Variants in TMEM236 observed in about 807,000 individuals in gnomAD.
TMEM236 encodes the protein transmembrane protein 236.
A neutral mutation model predicts 14.7 loss-of-function variants in TMEM236; 11 were observed. The observed-to-expected ratio is 0.75, with a 90% CI of 0.47 to 1.24. TMEM236 has a LOEUF of 1.24. Among genes scored for constraint, TMEM236 ranks in the 50% most tolerant of loss-of-function variants. The pLI is 0.00. For synonymous variants in TMEM236, 182 were observed against 168.6 expected (o/e 1.08, Z -0.62); for missense variants, 464 against 427.3 (o/e 1.09, Z -0.76).
At chr10:17,757,917 C>T (rs907370209) in intron 1 of TMEM236, among the ~76,000 whole-genome samples, 131 of 152,012 alleles carry the variant, frequency 8.6e-4, no homozygotes, top group African/African-American at 2.9e-3. Flanking sequence ...TACAGGTGTG[C>T]GCCACCACGC....
At chr10:17,780,176 C>G (rs931572123) in intron 3 of TMEM236, among the ~76,000 whole-genome samples, 25 of 152,256 alleles carry the variant, frequency 1.6e-4, no homozygotes, top group African/African-American at 6.0e-4. Flanking sequence ...GAACTCGTGG[C>G]TGAATGTGGC....
At chr10:17,774,236 G>T (rs903879658) in intron 2 of TMEM236, among the ~76,000 whole-genome samples, 3 of 152,060 alleles carry the variant, frequency 2.0e-5, no homozygotes, top group East Asian at 3.9e-4. Context: ...ATAGAGATGG[G>T]GTTTCAACAT....
At chr10:17,753,490 C>T (rs1471158474) in intron 1 of TMEM236, among the ~76,000 whole-genome samples, 3 of 152,102 alleles carry the variant, frequency 2.0e-5, no homozygotes, top group Admixed American at 1.3e-4. Flanking sequence ...TAAATGAGAA[C>T]ATGTGGGATT....
chr10:17,781,772 G>T (rs1589149535), intron 3 of TMEM236, among the ~76,000 whole-genome samples: 1 of 140,328 alleles, frequency 7.1e-6, no homozygotes, highest in African/African-American at 2.6e-5. Flanking sequence ...AAAAAGGAAA[G>T]AAAATTTGCA....
chr10:17,798,659 T>G lies in TMEM236; in HGVS notation c.*2155T>G, dbSNP rs1838052681. On this transcript the variant is annotated 3_prime_UTR_variant, in exon 4 of 4. Transcript: ENST00000377495. ...TTTTCTCACACTGTAAAAGAAGATT[T>G]ACTCACAGTTGTTAAAAGCTTGCCT... 1 of 534,584 alleles carries G rather than the reference T, an allele frequency of 1.9e-6. No individual in the cohort carries two copies. The highest frequency in any genetic ancestry group is 1.9e-5 in the Admixed American group (1 of 51,596). The allele number at this position is 534,584 out of a possible 1,614,324, so 33.1% of individuals were successfully genotyped here.
At position 17,796,875 on chromosome 10, in the gene TMEM236, C is replaced by T. The variant is rs997694507; in HGVS notation, c.*371C>T. 3.1e-3 allele frequency: 846 copies of T among 276,876 alleles called. 7 individuals are homozygous for T. Among genetic ancestry groups the T allele is most frequent in the African/African-American group, 0.018 (793 of 44,010 alleles). 17.2% of individuals were successfully genotyped at this position (276,876 alleles called of 1,614,324 possible). A position where few individuals can be genotyped will look rare whatever the true frequency, so the allele number is the denominator to read the frequency against. Reference sequence around the variant, plus strand: ...ACCTCAAACTGAGCGTTCCCGCCTGCATTCCGCCTCCTGTCAGATCAGCAG... The same window carrying T: ...ACCTCAAACTGAGCGTTCCCGCCTGTATTCCGCCTCCTGTCAGATCAGCAG... On this transcript the variant is annotated 3_prime_UTR_variant, in exon 4 of 4. Transcript: ENST00000377495.
intron 3 of TMEM236, among the ~76,000 whole-genome samples, chr10:17,790,724 T>G (rs1837912213): frequency 6.6e-6 from 1 of 152,240 alleles, no homozygotes; most frequent in South Asian, 2.1e-4. Context: ...GCTCCATATA[T>G]TTTTCTCAGT....
chr10:17,771,349 C>G lies in TMEM236; in HGVS notation c.298C>G (p.Pro100Ala). ...LMMCVVLTTL[P>A]CLTFSIAVTE... is the part of the protein sequence containing the mutation. The stretch of plus-strand genomic sequence containing the variant: ...GATGTGTGTGGTCCTCACCACACTG[C>G]CCTGCCTCACCTTTTCCATAGCAGT... Residue 100 changes from proline (P) to alanine (A), a missense_variant, in exon 2 of 4, where the codon CCC (proline) becomes GCC (alanine). Pro to Ala is a conservative substitution (Grantham distance 27, BLOSUM62 -1). Coordinates refer to ENST00000377495, the MANE Select transcript of TMEM236 (RefSeq NM_001098844.3). The G allele has an allele frequency of 1.2e-6, 2 of 1,613,902 alleles. No homozygotes were observed. The highest frequency in any genetic ancestry group is 1.7e-6 in the Non-Finnish European group (2 of 1,179,830).
chr10:17,798,553 A>T lies in TMEM236; in HGVS notation c.*2049A>T, dbSNP rs1348230847. 4 of 533,972 alleles carry T rather than the reference A, an allele frequency of 7.5e-6. No individual in the cohort carries two copies. The highest frequency in any genetic ancestry group is 1.5e-5 in the Non-Finnish European group (4 of 259,844). 33.1% of individuals were successfully genotyped at this position (533,972 alleles called of 1,614,324 possible). A position where few individuals can be genotyped will look rare whatever the true frequency, so the allele number is the denominator to read the frequency against. On this transcript the variant is annotated 3_prime_UTR_variant, in exon 4 of 4. Transcript: ENST00000377495. ...CACCCATCTAAAAAAAATAAAAGAGAATTTGACGTTGTGTTATTCTACGCT... is the reference window on the plus strand; with the variant it reads ...CACCCATCTAAAAAAAATAAAAGAGTATTTGACGTTGTGTTATTCTACGCT...
At chr10:17,774,779 C>T (rs1837631719) in intron 2 of TMEM236, among the ~76,000 whole-genome samples, 1 of 149,698 alleles carries the variant, frequency 6.7e-6, no homozygotes, top group African/African-American at 2.5e-5. Context: ...CTTCCTCCCT[C>T]CCTCCTTCCC....
chr10:17,789,985 T>C (rs992274023), intron 3 of TMEM236, among the ~76,000 whole-genome samples: 10 of 151,884 alleles, frequency 6.6e-5, no homozygotes, highest in East Asian at 1.9e-4. Flanking sequence ...GATCGCGCCA[T>C]GGCACTCCAG....
intron 3 of TMEM236, among the ~76,000 whole-genome samples, chr10:17,794,225 C>T (rs1307064170): frequency 6.6e-6 from 1 of 152,050 alleles, no homozygotes; most frequent in Non-Finnish European, 1.5e-5. Flanking sequence ...AAATTCAGTT[C>T]CACGCGCTTC....
At chr10:17,772,422 C>G (rs1311029329) in intron 2 of TMEM236, among the ~76,000 whole-genome samples, 1 of 152,158 alleles carries the variant, frequency 6.6e-6, no homozygotes, top group Non-Finnish European at 1.5e-5. Flanking sequence ...TTTCCCCTCT[C>G]AAAGACCTTG....
In TMEM236 at chr10:17,786,074, T is replaced by G. The variant is rs1032300101; in HGVS notation, c.473-9847T>G. Among the ~76,000 whole-genome samples the G allele has an allele frequency of 3.8e-3, 575 of 149,434 alleles. 3 individuals are homozygous for G. The highest frequency in any genetic ancestry group is 0.014 in the African/African-American group (554 of 38,764). On this transcript the variant is annotated intron_variant, in intron 3 of 3. Transcript: ENST00000377495. ...TGATTTTAATAATTTGGCATTAAAT[T>G]GTTTGTTTTTCCTAAGTGGGCAAAA...
intron 1 of TMEM236, among the ~76,000 whole-genome samples, chr10:17,754,313 C>T (rs1324333306): frequency 7.9e-5 from 12 of 152,056 alleles, no homozygotes; most frequent in African/African-American, 2.9e-4. Context: ...TTCCTTTAGA[C>T]TTTTTATTTA....
At chr10:17,780,828 A>C (rs1366050084) in intron 3 of TMEM236, among the ~76,000 whole-genome samples, 2 of 152,222 alleles carry the variant, frequency 1.3e-5, no homozygotes, top group African/African-American at 4.8e-5. Context: ...CTTTCGAGAC[A>C]GAGGGGCTCC....
At chr10:17,754,886 A>G (rs1837260748) in intron 1 of TMEM236, among the ~76,000 whole-genome samples, 1 of 151,724 alleles carries the variant, frequency 6.6e-6, no homozygotes, top group Non-Finnish European at 1.5e-5. Context: ...CTTTTCTTTA[A>G]TAAGTTAATA....
chr10:17,768,219 G>A (rs1294613740), intron 1 of TMEM236, among the ~76,000 whole-genome samples: 2 of 149,716 alleles, frequency 1.3e-5, no homozygotes, highest in African/African-American at 2.5e-5. Flanking sequence ...TGAGCCACCA[G>A]GCCTGGCCTG....
chr10:17,788,028 A>G (rs1837866766), intron 3 of TMEM236, among the ~76,000 whole-genome samples: 1 of 151,656 alleles, frequency 6.6e-6, no homozygotes, highest in African/African-American at 2.4e-5. Flanking sequence ...CTACCTTACT[A>G]TGTATATATT....
Sources: allele counts gnomAD v4.1 joint callset (sites outside exome capture counted in the v4.1 genomes callset), GRCh38; gene constraint gnomAD v4.1.1; transcripts MANE v1.5; gene names NCBI Gene and HGNC (gene_info 2026-07-23, HGNC 2026-07-21).